SLC4A7: variants seen among roughly 807,000 people sequenced by gnomAD.
The protein encoded by SLC4A7 is sodium bicarbonate cotransporter 3.
A neutral mutation model predicts 137.6 loss-of-function variants in SLC4A7; 51 were observed. The observed-to-expected ratio is 0.37, with a 90% CI of 0.30 to 0.47. SLC4A7 has a LOEUF of 0.47. SLC4A7 is among the 20% of genes least tolerant of loss of function. The pLI is 1.00. For missense variants in SLC4A7, 1,247 were observed against 1,525.4 expected (o/e 0.82, Z 3.04); for synonymous variants, 542 against 518.6 (o/e 1.05, Z -0.61).
intron 1 of SLC4A7, among the ~76,000 whole-genome samples, 165 bp downstream of exon 1, chr3:27,483,902 G>C (rs982581803): frequency 1.4e-5 from 2 of 146,896 alleles, no homozygotes; most frequent in African/African-American, 4.9e-5. Context: ...GCCCCAGGCC[G>C]CCACACAAAG....
intron 7 of SLC4A7, among the ~76,000 whole-genome samples, chr3:27,428,970 C>T (rs1319613283): frequency 6.6e-6 from 1 of 151,968 alleles, no homozygotes; most frequent in Non-Finnish European, 1.5e-5. Context: ...CTTTATAGCC[C>T]TTAAGATGAG....
intron 22 of SLC4A7, among the ~76,000 whole-genome samples, chr3:27,387,834 A>G (rs979725040): frequency 6.6e-6 from 1 of 152,184 alleles, no homozygotes; most frequent in Non-Finnish European, 1.5e-5. Context: ...AGGAAGAGAC[A>G]AGGCAGGATT....
At chr3:27,473,492 C>T (rs541891310) in intron 1 of SLC4A7, among the ~76,000 whole-genome samples, 75 of 151,618 alleles carry the variant, frequency 4.9e-4, no homozygotes, top group Non-Finnish European at 5.7e-4. Context: ...TCAAGGTAGG[C>T]GGATCACTTG....
intron 11 of SLC4A7, among the ~76,000 whole-genome samples, chr3:27,414,280 C>CA (rs1257650698): frequency 5.3e-5 from 8 of 151,550 alleles, no homozygotes; most frequent in South Asian, 2.1e-4. Context: ...AGCTCCATCT[C>CA]AAAAAAAATA....
In SLC4A7 at chr3:27,405,223, C is replaced by A. The variant is rs553814304; in HGVS notation, c.1942-260G>T. Reference sequence around the variant, plus strand: ...TCAAAACTCAATACAGGCTGAGTATCCCTAATCCAAAACTCCACACTCCAA... The same window carrying A: ...TCAAAACTCAATACAGGCTGAGTATACCTAATCCAAAACTCCACACTCCAA... On this transcript the variant is annotated intron_variant, in intron 13 of 25. Transcript: ENST00000454389. Among the ~76,000 whole-genome samples the A allele has an allele frequency of 9.2e-5, 14 of 152,130 alleles. 1 individual carries two copies. In the South Asian group the frequency reaches 2.9e-3, roughly 32 times the overall value.
At chr3:27,393,831 A>G (rs2051848111) in intron 20 of SLC4A7, among the ~76,000 whole-genome samples, 1 of 152,200 alleles carries the variant, frequency 6.6e-6, no homozygotes, top group African/African-American at 2.4e-5. Flanking sequence ...ATAAAAGCCA[A>G]CAAGAGGGAT....
intron 2 of SLC4A7, among the ~76,000 whole-genome samples, chr3:27,450,404 G>C (rs1020884373): frequency 6.6e-6 from 1 of 152,086 alleles, no homozygotes; most frequent in Non-Finnish European, 1.5e-5. Context: ...TTAAAAAAGT[G>C]TGTAATTTAA....
intron 1 of SLC4A7, among the ~76,000 whole-genome samples, chr3:27,460,403 G>A (rs1301003860): frequency 6.6e-6 from 1 of 152,080 alleles, no homozygotes; most frequent in African/African-American, 2.4e-5. Flanking sequence ...AGCCTTCTAA[G>A]CTCTGTCCTC....
Position 27,398,233 on chromosome 3 carries a change from A to G in SLC4A7, c.2548T>C (p.Phe850Leu). 1.2e-6 allele frequency: 2 copies of G among 1,613,236 alleles called. No individual in the cohort carries two copies. The highest frequency in any genetic ancestry group is 1.7e-6 in the Non-Finnish European group (2 of 1,179,304). ...LFFTTFFLSS[F>L]LKQFKTKRYF... ...CGCTTGGTCTTAAATTGCTTGAGGA[A>G]TGAAGACAGAAAAAATGTTGTGAAA... The change falls in exon 17 of 26, where the codon TTC becomes CTC. Residue 850 changes from phenylalanine to leucine, a missense_variant. Coordinates refer to ENST00000454389, the MANE Select transcript of SLC4A7 (RefSeq NM_001321103.2).
At chr3:27,384,862 C>T (rs1312557209) in intron 23 of SLC4A7, among the ~76,000 whole-genome samples, 1 of 151,846 alleles carries the variant, frequency 6.6e-6, no homozygotes, top group East Asian at 1.9e-4. Flanking sequence ...AGCTTGGACC[C>T]GGGAGGTTGA....
At chr3:27,457,034 G>C (rs1334857942) in intron 1 of SLC4A7, 3 of 570,286 alleles carry the variant, frequency 5.3e-6, no homozygotes, top group Non-Finnish European at 6.7e-6. Context: ...GGATGTGTGA[G>C]AGTATGGTTT....
chr3:27,377,585 G>A (rs2050022073), intron 25 of SLC4A7, among the ~76,000 whole-genome samples: 1 of 152,056 alleles, frequency 6.6e-6, no homozygotes, highest in Non-Finnish European at 1.5e-5. Flanking sequence ...TAGAGATGGG[G>A]TTTCACCATG....
intron 11 of SLC4A7, among the ~76,000 whole-genome samples, chr3:27,415,017 T>C (rs1221038948): frequency 6.6e-6 from 1 of 152,220 alleles, no homozygotes; most frequent in African/African-American, 2.4e-5. Flanking sequence ...TTGCAGACTT[T>C]CATGATGTCC....
In SLC4A7 at chr3:27,394,575, T is replaced by C; in HGVS notation, c.3060A>G (p.Thr1020=). The C allele has an allele frequency of 6.2e-7, 1 of 1,614,156 alleles. No individual in the cohort carries two copies. The highest frequency in any genetic ancestry group is 8.5e-7 in the Non-Finnish European group (1 of 1,179,972). The change falls in exon 20 of 26, where the codon ACA becomes ACG. Residue 1020 remains threonine (T), a synonymous_variant. Coordinates refer to ENST00000454389, the MANE Select transcript of SLC4A7 (RefSeq NM_001321103.2). The part of the protein sequence containing the change: ...KFLGIREQRV[T]GLMIFILMGL... The stretch of plus-strand genomic sequence containing the variant: ...CCATTAGAATAAAAATCATTAGCCC[T>C]GTAACCCGCTGTTCACGAATTCCCA...
chr3:27,402,021 T>C (rs1329111260), intron 15 of SLC4A7, among the ~76,000 whole-genome samples: 1 of 152,154 alleles, frequency 6.6e-6, no homozygotes, highest in Non-Finnish European at 1.5e-5. Context: ...GTTGAGAGTG[T>C]GCAAGGAAAG....
Position 27,436,551 on chromosome 3 carries a change from G to A in SLC4A7, c.429-3C>T, listed in dbSNP as rs1470788688. The A allele has an allele frequency of 6.3e-7, 1 of 1,586,766 alleles. No homozygotes were observed. Among genetic ancestry groups the A allele is most frequent in the East Asian group, 2.2e-5 (1 of 44,590 alleles). ...CATCCTCTTCAAATTTCAGCCATCTGAATGCATAATGTATAAAAATATTTT... is the reference window on the plus strand; with the variant it reads ...CATCCTCTTCAAATTTCAGCCATCTAAATGCATAATGTATAAAAATATTTT... On this transcript the variant is annotated splice_polypyrimidine_tract_variant and splice_region_variant and intron_variant, in intron 4 of 25. Coordinates refer to ENST00000454389, the MANE Select transcript of SLC4A7 (RefSeq NM_001321103.2).
chr3:27,438,156 C>T (rs746559673), intron 3 of SLC4A7, among the ~76,000 whole-genome samples: 1 of 150,902 alleles, frequency 6.6e-6, no homozygotes, highest in Non-Finnish European at 1.5e-5. Flanking sequence ...GAGATTGTGC[C>T]ACTGCACTCC....
chr3:27,379,281 A>G lies in SLC4A7; in HGVS notation c.3666T>C (p.Thr1222=), dbSNP rs2050187235. 1 of 1,534,576 alleles carries G rather than the reference A, an allele frequency of 6.5e-7. No homozygotes were observed. Among genetic ancestry groups the G allele is most frequent in the South Asian group, 1.2e-5 (1 of 84,030 alleles). The part of the protein sequence containing the change: ...TAQWKALSMN[T]ENAKVTRSNM... ...TAGATCTGGTTACTTTGGCATTCTCAGTATTCATGGAAAGTGCCTTCCACT... is the reference window on the plus strand; with the variant it reads ...TAGATCTGGTTACTTTGGCATTCTCGGTATTCATGGAAAGTGCCTTCCACT... Residue 1222 remains threonine, a synonymous_variant, in exon 25 of 26, where the codon ACT becomes ACC. Coordinates refer to ENST00000454389, the MANE Select transcript of SLC4A7 (RefSeq NM_001321103.2).
At chr3:27,443,272 C>T (rs1021683548) in intron 3 of SLC4A7, among the ~76,000 whole-genome samples, 3 of 151,722 alleles carry the variant, frequency 2.0e-5, no homozygotes, top group Admixed American at 1.3e-4. Context: ...TCAGGTGATC[C>T]GCCCGCCTCG....
Sources: gnomAD v4.1 joint callset for allele counts (sites outside exome capture counted in the v4.1 genomes callset) on GRCh38, gnomAD v4.1.1 for gene constraint, MANE v1.5 for transcripts, NCBI Gene and HGNC (gene_info 2026-07-23, HGNC 2026-07-21) for gene names.